The following SPOCK3 variants were observed in gnomAD, a reference collection of about 807,000 sequenced individuals.
SPOCK3 encodes the protein SPARC (osteonectin), cwcv and kazal like domains proteoglycan 3, also known as testican-3.
A neutral mutation model predicts 56.6 loss-of-function variants in SPOCK3; 30 were observed. That is an observed-to-expected ratio of 0.53 (90% CI 0.40 to 0.72). The LOEUF (loss-of-function observed/expected upper bound fraction) is 0.72, where lower values mean the gene tolerates loss of function less well. Ranked by LOEUF, SPOCK3 falls within the 30% of genes least tolerant of loss-of-function variation. SPOCK3 has a pLI of 0.00. For missense variants in SPOCK3, 527 were observed against 530.0 expected, an observed-to-expected ratio of 0.99 and a Z score of 0.06; for synonymous variants, 196 against 183.3, an observed-to-expected ratio of 1.07 and a Z score of -0.56.
intron 2 of SPOCK3, among the ~76,000 whole-genome samples, chr4:167,173,464 A>G (rs1271140437): frequency 6.6e-6 from 1 of 152,048 alleles, no homozygotes; most frequent in Non-Finnish European, 1.5e-5. Flanking sequence ...TTTCCCCACT[A>G]TATCTATCTA....
chr4:166,900,861 C>T (rs1340967302), intron 5 of SPOCK3, among the ~76,000 whole-genome samples: 1 of 152,078 alleles, frequency 6.6e-6, no homozygotes, highest in Non-Finnish European at 1.5e-5. Flanking sequence ...AGGGGAACAA[C>T]AACAGGTATT....
At chr4:167,159,340 AAGC>A (rs1193405825) in intron 2 of SPOCK3, among the ~76,000 whole-genome samples, 1 of 151,960 alleles carries the variant, frequency 6.6e-6, no homozygotes, top group African/African-American at 2.4e-5. Flanking sequence ...AAAATATCAG[AAGC>A]AGAAGTTTCT....
At chr4:166,796,403 G>A (rs1035937601) in intron 6 of SPOCK3, among the ~76,000 whole-genome samples, 5 of 152,098 alleles carry the variant, frequency 3.3e-5, no homozygotes, top group Admixed American at 2.0e-4. Flanking sequence ...GGCAGAGTCC[G>A]CATTTTATTG....
At chr4:166,970,628 G>A (rs1745269197) in intron 4 of SPOCK3, among the ~76,000 whole-genome samples, 1 of 152,026 alleles carries the variant, frequency 6.6e-6, no homozygotes, top group Non-Finnish European at 1.5e-5. Context: ...GGAGGCTGAG[G>A]CAAGGAGAAT....
At chr4:167,062,359 C>T (rs940539450) in intron 3 of SPOCK3, 133 bp downstream of exon 3, 51 of 532,334 alleles carry the variant, frequency 9.6e-5, no homozygotes, top group African/African-American at 8.8e-4. Context: ...GTAATTATTG[C>T]ACAAATTTTT....
At chr4:167,132,672 C>T (rs1396509921) in intron 2 of SPOCK3, among the ~76,000 whole-genome samples, 2 of 152,066 alleles carry the variant, frequency 1.3e-5, no homozygotes, top group African/African-American at 4.8e-5. Flanking sequence ...CAAATCAAAG[C>T]CTTGGCAGAA....
rs1326411925 is a variant in SPOCK3 at position 166,792,202 on chromosome 4, T to C, written c.677A>G (p.Lys226Arg). ...ALHESGSQNK[K>R]TKTLLRPERS... is the part of the protein sequence containing the mutation. ...CTCAGGCCTCAGCAATGTTTTTGTC[T>C]TCTTGTTTTGACTTCCACTTTCATG... The change falls in exon 7 of 11, where the codon AAG becomes AGG. Residue 226 changes from lysine to arginine, a missense_variant. Physicochemically the swap from Lys to Arg is conservative, Grantham distance 26 (BLOSUM62 2). Transcript: ENST00000357545. 4 of 1,613,954 alleles carry C rather than the reference T, an allele frequency of 2.5e-6. No homozygotes were observed. In the East Asian group the frequency reaches 8.9e-5, roughly 36 times the overall value.
intron 2 of SPOCK3, among the ~76,000 whole-genome samples, chr4:167,077,064 A>C (rs977705804): frequency 6.6e-6 from 1 of 151,888 alleles, no homozygotes; most frequent in Non-Finnish European, 1.5e-5. Context: ...ATTGAGATCA[A>C]AATAAGAAGC....
At chr4:167,064,962 A>G (rs1477339788) in intron 2 of SPOCK3, among the ~76,000 whole-genome samples, 1 of 135,620 alleles carries the variant, frequency 7.4e-6, no homozygotes. Context: ...TGCTCACCAA[A>G]TCCTTTGTTT....
intron 7 of SPOCK3, among the ~76,000 whole-genome samples, chr4:166,776,876 T>C (rs1739606636): frequency 6.6e-6 from 1 of 152,126 alleles, no homozygotes. Flanking sequence ...TAGAAAATTA[T>C]CAAGGAAATA....
At chr4:166,782,838 C>G (rs907360437) in intron 7 of SPOCK3, among the ~76,000 whole-genome samples, 1 of 151,912 alleles carries the variant, frequency 6.6e-6, no homozygotes, top group Admixed American at 6.6e-5. Flanking sequence ...GGAGAATATA[C>G]AAATCAGTAT....
chr4:167,078,847 C>A (rs1161630266), intron 2 of SPOCK3, among the ~76,000 whole-genome samples: 1 of 151,796 alleles, frequency 6.6e-6, no homozygotes, highest in Non-Finnish European at 1.5e-5. Context: ...TCAGCAGATA[C>A]TTACAGTCGT....
At chr4:166,778,370 C>T (rs868466017) in intron 7 of SPOCK3, among the ~76,000 whole-genome samples, 11 of 152,156 alleles carry the variant, frequency 7.2e-5, no homozygotes, top group Middle Eastern at 3.4e-3. Context: ...GAACATAAAT[C>T]GAAGTAAAAT....
chr4:166,736,609 A>C (rs1213983932), intron 10 of SPOCK3, among the ~76,000 whole-genome samples: 1 of 152,078 alleles, frequency 6.6e-6, no homozygotes, highest in Non-Finnish European at 1.5e-5. Flanking sequence ...TGAAGAATAC[A>C]TCTAAATATT....
At chr4:166,815,080 C>T (rs1008667429) in intron 6 of SPOCK3, among the ~76,000 whole-genome samples, 1 of 151,708 alleles carries the variant, frequency 6.6e-6, no homozygotes, top group Non-Finnish European at 1.5e-5. Context: ...TTGAAGTTCC[C>T]TTGTGTATGC....
chr4:167,051,956 C>T (rs1436115638), intron 3 of SPOCK3, among the ~76,000 whole-genome samples: 2 of 152,144 alleles, frequency 1.3e-5, no homozygotes, highest in Non-Finnish European at 2.9e-5. Context: ...AATTTAATAA[C>T]ATATAAGGAA....
chr4:166,952,934 C>A (rs924999196), intron 4 of SPOCK3, among the ~76,000 whole-genome samples: 8 of 150,550 alleles, frequency 5.3e-5, no homozygotes, highest in African/African-American at 2.0e-4. Context: ...AAAATCAATT[C>A]AAGATGGATT....
At chr4:167,189,856 A>T (rs1033651631) in intron 2 of SPOCK3, among the ~76,000 whole-genome samples, 3 of 145,684 alleles carry the variant, frequency 2.1e-5, no homozygotes, top group Non-Finnish European at 4.5e-5. Context: ...AAGATTCTGT[A>T]TATAAGTGAT....
chr4:166,868,342 T>C (rs892549851), intron 6 of SPOCK3, among the ~76,000 whole-genome samples: 11 of 151,338 alleles, frequency 7.3e-5, no homozygotes, highest in African/African-American at 2.2e-4. Context: ...GGCCTGCAAC[T>C]GTAGCTAATC....
Sources: allele counts gnomAD v4.1 joint callset (sites outside exome capture counted in the v4.1 genomes callset), GRCh38; gene constraint gnomAD v4.1.1; transcripts MANE v1.5; gene names NCBI Gene and HGNC (gene_info 2026-07-23, HGNC 2026-07-21).